ABLIM1: variants seen among roughly 807,000 people sequenced by gnomAD.
The protein encoded by ABLIM1 is actin-binding LIM protein 1.
ABLIM1 carries 40 observed loss-of-function variants against 107.0 expected under a neutral mutation model. The observed-to-expected ratio is 0.37, with a 90% confidence interval of 0.29 to 0.49. ABLIM1 has a LOEUF of 0.49. Among genes scored for constraint, ABLIM1 ranks in the 20% least tolerant of loss-of-function variants. ABLIM1 has a pLI of 0.97. For missense variants in ABLIM1, 857 were observed against 1,008.5 expected, an observed-to-expected ratio of 0.85 and a Z score of 2.04; for synonymous variants, 357 against 357.3, an observed-to-expected ratio of 1.00 and a Z score of 0.01.
Position 114,507,894 on chromosome 10 carries a change from G to A in ABLIM1, c.895-16016C>T, listed in dbSNP as rs187963937. On this transcript the variant is annotated intron_variant, in intron 6 of 22. Transcript: ENST00000533213. ...AAGGCAGCAGACCCCCCTGAGTTCT[G>A]GAGTAAAGGCATCCAGGTACTCCAA... 1.3e-4 allele frequency among the ~76,000 whole-genome samples: 20 copies of A among 152,270 alleles called. 1 individual carries two copies. The highest frequency in any genetic ancestry group is 1.1e-3 in the Admixed American group (17 of 15,296).
Position 114,435,198 on chromosome 10 carries a change from G to C in ABLIM1, c.*1062C>G, listed in dbSNP as rs1350272424. The C allele has an allele frequency of 6.6e-6, 1 of 152,186 alleles. No homozygotes were observed. The highest frequency in any genetic ancestry group is 1.5e-5 in the Non-Finnish European group (1 of 68,032). 9.4% of individuals were successfully genotyped at this position (152,186 alleles called of 1,614,324 possible). A position where few individuals can be genotyped will look rare whatever the true frequency, so the allele number is the denominator to read the frequency against. The stretch of plus-strand genomic sequence containing the variant: ...ACTTTGGAGTTGCAGAGATTTAAAA[G>C]AGAAAAACATGTCTTTCCTTAGCCT... On this transcript the variant is annotated 3_prime_UTR_variant, in exon 23 of 23. Coordinates refer to ENST00000533213, the MANE Select transcript of ABLIM1 (RefSeq NM_002313.7).
chr10:114,713,618 G>A (rs1443896940), intron 1 of ABLIM1, among the ~76,000 whole-genome samples: 2 of 152,142 alleles, frequency 1.3e-5, no homozygotes, highest in African/African-American at 4.8e-5. Flanking sequence ...TTTCATTTGT[G>A]TTGGTCTTTT....
At chr10:114,638,788 T>C (rs2078602772) in intron 1 of ABLIM1, among the ~76,000 whole-genome samples, 1 of 152,198 alleles carries the variant, frequency 6.6e-6, no homozygotes, top group Non-Finnish European at 1.5e-5. Flanking sequence ...TTTTTCCAGA[T>C]ACCTTATCCT....
chr10:114,469,356 A>G (rs1285932886), intron 10 of ABLIM1, among the ~76,000 whole-genome samples: 1 of 152,174 alleles, frequency 6.6e-6, no homozygotes, highest in African/African-American at 2.4e-5. Context: ...CAATCTCACT[A>G]TCATTCACCT....
intron 8 of ABLIM1, among the ~76,000 whole-genome samples, chr10:114,474,213 T>C (rs566124191): frequency 6.6e-6 from 1 of 152,248 alleles, no homozygotes; most frequent in Non-Finnish European, 1.5e-5. Flanking sequence ...TGGTTTACCT[T>C]TGAGCACACC....
intron 1 of ABLIM1, among the ~76,000 whole-genome samples, chr10:114,635,542 T>A (rs2078435187): frequency 6.6e-6 from 1 of 152,178 alleles, no homozygotes; most frequent in Non-Finnish European, 1.5e-5. Flanking sequence ...GTTGTTGTTT[T>A]GAGACGGAGT....
chr10:114,438,842 C>T (rs2059787818), intron 21 of ABLIM1, among the ~76,000 whole-genome samples: 1 of 152,224 alleles, frequency 6.6e-6, no homozygotes, highest in South Asian at 2.1e-4. Flanking sequence ...AATGGTGAAA[C>T]AGGGTTGCCT....
chr10:114,584,818 T>C (rs1171263488), intron 2 of ABLIM1, among the ~76,000 whole-genome samples: 1 of 152,202 alleles, frequency 6.6e-6, no homozygotes, highest in Admixed American at 6.5e-5. Flanking sequence ...AGAGTTTGAA[T>C]TTACAATATT....
chr10:114,497,681 C>CAAAAAAA (rs576676119), intron 6 of ABLIM1, among the ~76,000 whole-genome samples: 2 of 75,590 alleles, frequency 2.6e-5, no homozygotes, highest in African/African-American at 1.0e-4. Flanking sequence ...GATTCTGTCT[C>CAAAAAAA]AAAAAAAAAA....
intron 1 of ABLIM1, among the ~76,000 whole-genome samples, chr10:114,678,515 T>C (rs1250774594): frequency 6.6e-6 from 1 of 152,248 alleles, no homozygotes; most frequent in Non-Finnish European, 1.5e-5. Flanking sequence ...TGCCTGTGTT[T>C]GTAAATGAAG....
intron 6 of ABLIM1, among the ~76,000 whole-genome samples, chr10:114,494,994 C>T (rs1041532692): frequency 3.3e-5 from 5 of 152,186 alleles, no homozygotes; most frequent in Admixed American, 6.5e-5. Context: ...TCCTGTAAGG[C>T]AGACACTCTT....
rs778897297 is a variant in ABLIM1, at chr10:114,468,236, T to C, written c.1276-20A>G. ...CGGAGACTAGAAAAATAAAAGAGAA[T>C]TTAAAGTCACAATGTTTGTTAACTC... On this transcript the variant is annotated intron_variant, in intron 10 of 22. Transcript: ENST00000533213. 1 of 1,610,082 alleles carries C rather than the reference T, an allele frequency of 6.2e-7. No individual in the cohort carries two copies. The highest frequency in any genetic ancestry group is 8.5e-7 in the Non-Finnish European group (1 of 1,176,342).
At chr10:114,458,010 T>C (rs1235278672) in intron 12 of ABLIM1, among the ~76,000 whole-genome samples, 2 of 151,950 alleles carry the variant, frequency 1.3e-5, no homozygotes, top group Non-Finnish European at 2.9e-5. Context: ...GAGGTGGAGA[T>C]TGCAGTGAGC....
At chr10:114,510,110 A>G (rs1038747734) in intron 6 of ABLIM1, among the ~76,000 whole-genome samples, 1 of 152,198 alleles carries the variant, frequency 6.6e-6, no homozygotes, top group African/African-American at 2.4e-5. Context: ...GCTACAATTC[A>G]AGATGAGATT....
chr10:114,514,607 C>T (rs775360670), intron 6 of ABLIM1, among the ~76,000 whole-genome samples: 7 of 152,164 alleles, frequency 4.6e-5, no homozygotes, highest in Admixed American at 6.5e-5. Context: ...TCAAGCTCCT[C>T]GGCTCAAGTG....
rs528357400 is a variant in ABLIM1 at position 114,468,821 on chromosome 10, G to A, written c.1276-605C>T. 2.0e-5 allele frequency among the ~76,000 whole-genome samples: 3 copies of A among 151,892 alleles called. No individual in the cohort carries two copies. In the South Asian group the frequency reaches 6.2e-4, roughly 32 times the overall value. On this transcript the variant is annotated intron_variant, in intron 10 of 22. Coordinates refer to ENST00000533213, the MANE Select transcript of ABLIM1 (RefSeq NM_002313.7). The stretch of plus-strand genomic sequence containing the variant: ...AATCCCAGCACTTTGGGAGGCTGAG[G>A]CTGGCGGACCACAAGGTCAGGAGAT...
chr10:114,795,479 G>A, the ABLIM1 span, among the ~76,000 whole-genome samples: 1 of 152,134 alleles, frequency 6.6e-6, no homozygotes, highest in South Asian at 2.1e-4. Context: ...GGCCGAAGTG[G>A]GCGGATCACC....
upstream of ABLIM1, among the ~76,000 whole-genome samples, chr10:114,770,452 T>G (rs1255744013): frequency 1.3e-5 from 2 of 152,068 alleles, no homozygotes; most frequent in Non-Finnish European, 2.9e-5. Flanking sequence ...CCTCTGTTTC[T>G]CAACAAGATA....
In ABLIM1 at chr10:114,449,697, GAC is replaced by G. The variant is rs533738253; in HGVS notation, c.1595-1679_1595-1678del. Among the ~76,000 whole-genome samples the G allele has an allele frequency of 1.3e-3, 202 of 152,290 alleles. 1 individual carries two copies. The highest frequency in any genetic ancestry group is 4.0e-3 in the Admixed American group (61 of 15,298). Reference sequence around the variant, plus strand: ...ATAGGAAATCCCCTTCTTAAAGATGGACAAAACATGTTAGCATATAAGAAGTT... The same window carrying G: ...ATAGGAAATCCCCTTCTTAAAGATGGAAAACATGTTAGCATATAAGAAGTT... On this transcript the variant is annotated intron_variant, in intron 14 of 22. Transcript: ENST00000533213.
Sources: allele counts gnomAD v4.1 joint callset (sites outside exome capture counted in the v4.1 genomes callset), GRCh38; gene constraint gnomAD v4.1.1; transcripts MANE v1.5; gene names NCBI Gene and HGNC (gene_info 2026-07-23, HGNC 2026-07-21).